The following PABPC4L variants were observed in gnomAD, a reference collection of about 807,000 sequenced individuals.
PABPC4L encodes the protein polyadenylate-binding protein 4-like.
For synonymous variants in PABPC4L, 169 were observed against 164.1 expected (o/e 1.03, Z -0.23); for missense variants, 452 against 451.4 (o/e 1.00, Z -0.01).
chr4:134,171,103 C>T, the PABPC4L span, among the ~76,000 whole-genome samples: 1 of 152,014 alleles, frequency 6.6e-6, no homozygotes, highest in Non-Finnish European at 1.5e-5. Context: ...TGATGGTGAG[C>T]ATTTTTTCAT....
At chr4:134,016,610 C>T in the PABPC4L span, among the ~76,000 whole-genome samples, 1 of 152,196 alleles carries the variant, frequency 6.6e-6, no homozygotes, top group South Asian at 2.1e-4. Flanking sequence ...TTCCACCTAT[C>T]AATCTTGTCC....
the PABPC4L span, among the ~76,000 whole-genome samples, chr4:133,969,498 TCCTTGGTGC>T: frequency 2.4e-4 from 36 of 152,048 alleles, no homozygotes; most frequent in Non-Finnish European, 4.3e-4. Context: ...CCAGCAGGAG[TCCTTGGTGC>T]CAGGCTTACA....
chr4:133,997,039 T>C, the PABPC4L span, among the ~76,000 whole-genome samples: 8 of 152,308 alleles, frequency 5.3e-5, no homozygotes, highest in Admixed American at 6.5e-5. Context: ...CCCAAAGCTT[T>C]TGCAAAGCCT....
chr4:134,123,002 C>T, the PABPC4L span, among the ~76,000 whole-genome samples: 90 of 152,036 alleles, frequency 5.9e-4, no homozygotes, highest in African/African-American at 2.1e-3. Flanking sequence ...TAGTTACATT[C>T]TATAAAGCTG....
the PABPC4L span, among the ~76,000 whole-genome samples, chr4:134,163,990 G>A: frequency 0.022 from 3,398 of 151,972 alleles, 124 homozygotes; most frequent in African/African-American, 0.077. Flanking sequence ...TGGGCCAGGC[G>A]CGGTGGCTCA....
the PABPC4L span, among the ~76,000 whole-genome samples, chr4:133,994,836 C>G: frequency 6.6e-6 from 1 of 152,208 alleles, no homozygotes; most frequent in East Asian, 1.9e-4. Flanking sequence ...TAAATAATAT[C>G]TCACTATTAA....
rs1434906909 is a variant in PABPC4L at position 134,196,541 on chromosome 4, G to A, written c.*3366C>T. 4 of 151,890 alleles carry A rather than the reference G, an allele frequency of 2.6e-5. No individual in the cohort carries two copies. In the East Asian group the frequency reaches 5.8e-4, roughly 22 times the overall value. 9.4% of individuals were successfully genotyped at this position (151,890 alleles called of 1,614,324 possible). On this transcript the variant is annotated 3_prime_UTR_variant, in exon 2 of 2. Coordinates refer to ENST00000421491, the MANE Select transcript of PABPC4L (RefSeq NM_001114734.2). ...GTAAGCAGGTAACTACACAGCAGAC[G>A]TGGCAATATGTGTGGAGAGAAGGGT...
At chr4:134,073,200 C>T in the PABPC4L span, among the ~76,000 whole-genome samples, 105,341 of 152,086 alleles carry the variant, frequency 0.69, 36,917 homozygotes, top group East Asian at 0.95. Context: ...CAAAAGCAAG[C>T]TAGTTACTTC....
the PABPC4L span, among the ~76,000 whole-genome samples, chr4:133,960,353 G>T: frequency 6.6e-6 from 1 of 152,266 alleles, no homozygotes; most frequent in South Asian, 2.1e-4. Context: ...GACCTCACCT[G>T]GAGCTGAGAC....
At chr4:134,010,444 T>C in the PABPC4L span, among the ~76,000 whole-genome samples, 1 of 152,168 alleles carries the variant, frequency 6.6e-6, no homozygotes, top group African/African-American at 2.4e-5. Flanking sequence ...TATGGCTTTA[T>C]ATTTTATTAG....
chr4:134,125,836 C>T, the PABPC4L span, among the ~76,000 whole-genome samples: 1 of 151,946 alleles, frequency 6.6e-6, no homozygotes, highest in African/African-American at 2.4e-5. Flanking sequence ...TCATTTGATG[C>T]TTTAAAAAAA....
chr4:133,977,867 T>C, the PABPC4L span: 6 of 152,188 alleles, frequency 3.9e-5, no homozygotes, highest in Non-Finnish European at 1.5e-5. Context: ...TGGTACTATC[T>C]GGCAATCACT....
the PABPC4L span, among the ~76,000 whole-genome samples, chr4:133,974,039 C>G: frequency 6.6e-6 from 1 of 151,988 alleles, no homozygotes; most frequent in African/African-American, 2.4e-5. Flanking sequence ...TGTAAGGAAA[C>G]CAGAAAGGCC....
the PABPC4L span, among the ~76,000 whole-genome samples, chr4:134,053,465 G>A: frequency 2.6e-5 from 4 of 151,994 alleles, no homozygotes; most frequent in Non-Finnish European, 2.9e-5. Flanking sequence ...ACAAACTAAA[G>A]GCCAAGCCCA....
the PABPC4L span, among the ~76,000 whole-genome samples, chr4:134,088,658 T>A: frequency 3.9e-5 from 6 of 151,986 alleles, no homozygotes; most frequent in East Asian, 9.7e-4. Flanking sequence ...TCATGTGAGG[T>A]CAAAGTACCA....
chr4:134,050,158 A>T, the PABPC4L span, among the ~76,000 whole-genome samples: 33 of 152,220 alleles, frequency 2.2e-4, no homozygotes, highest in Non-Finnish European at 3.2e-4. Flanking sequence ...ACATTAAAAA[A>T]TTTTTTTCAA....
At chr4:134,008,081 T>C in the PABPC4L span, among the ~76,000 whole-genome samples, 1 of 151,764 alleles carries the variant, frequency 6.6e-6, no homozygotes, top group Non-Finnish European at 1.5e-5. Flanking sequence ...TAGTTTGCTA[T>C]GTTGCTCTCC....
At chr4:134,020,280 G>A in the PABPC4L span, among the ~76,000 whole-genome samples, 1 of 152,048 alleles carries the variant, frequency 6.6e-6, no homozygotes, top group African/African-American at 2.4e-5. Context: ...TCCACCCTAG[G>A]TACAATGCTT....
chr4:134,150,828 A>T, the PABPC4L span, among the ~76,000 whole-genome samples: 1 of 152,184 alleles, frequency 6.6e-6, no homozygotes, highest in Admixed American at 6.5e-5. Flanking sequence ...CAAGTTCACT[A>T]TCCAGAATGC....
Sources: allele counts gnomAD v4.1 joint callset (sites outside exome capture counted in the v4.1 genomes callset), GRCh38; gene constraint gnomAD v4.1.1; transcripts MANE v1.5; gene names NCBI Gene and HGNC (gene_info 2026-07-23, HGNC 2026-07-21).